The following MAPK10 variants were observed in gnomAD, a reference collection of about 807,000 sequenced individuals.
MAPK10 encodes the protein mitogen-activated protein kinase 10, also known as JNK3 alpha protein kinase.
A neutral mutation model predicts 59.3 loss-of-function variants in MAPK10; 25 were observed. The ratio of observed to expected loss-of-function variants is 0.42; its 90% CI spans 0.31 to 0.59. MAPK10 has a LOEUF of 0.59. Ranked by LOEUF, MAPK10 falls within the 20% of genes least tolerant of loss-of-function variation. The probability of loss-of-function intolerance (pLI) is 0.15; values close to 1 mark genes in which losing one functional copy is unlikely to be tolerated. For missense variants in MAPK10, 351 were observed against 568.9 expected, an observed-to-expected ratio of 0.62 and a Z score of 3.90; for synonymous variants, 190 against 200.5, an observed-to-expected ratio of 0.95 and a Z score of 0.44.
chr4:86,435,648 C>CA (rs1422731441), intron 1 of MAPK10, among the ~76,000 whole-genome samples: 20 of 152,160 alleles, frequency 1.3e-4, no homozygotes, highest in African/African-American at 4.8e-4. Context: ...AATGCAGCCC[C>CA]ATTAGCTCCT....
rs112868673 is a variant in MAPK10 at position 86,288,165 on chromosome 4, G to GT, written c.-7+66364dup. ...GACTAGATGATCACTAATGTTTTTT[G>GT]TTTTTTTTTAATTTTATTATTATTA... On this transcript the variant is annotated intron_variant, in intron 2 of 13. Coordinates refer to ENST00000641462, the MANE Select transcript of MAPK10 (RefSeq NM_138982.4). Among the ~76,000 whole-genome samples the GT allele has an allele frequency of 3.3e-3, 504 of 150,816 alleles. 1 individual carries two copies. Among genetic ancestry groups the GT allele is most frequent in the South Asian group, 7.4e-3 (35 of 4,734 alleles).
intron 9 of MAPK10, among the ~76,000 whole-genome samples, chr4:86,092,829 A>G (rs1194650954): frequency 2.0e-5 from 3 of 152,062 alleles, no homozygotes; most frequent in Non-Finnish European, 4.4e-5. Flanking sequence ...CTGCCAAGGT[A>G]GAATTCTGTT....
chr4:86,215,453 CAA>C (rs2087213209), intron 2 of MAPK10, among the ~76,000 whole-genome samples: 1 of 152,030 alleles, frequency 6.6e-6, no homozygotes, highest in South Asian at 2.1e-4. Context: ...AGGATACTGT[CAA>C]TAGAGTGAAA....
intron 3 of MAPK10, among the ~76,000 whole-genome samples, chr4:86,174,122 T>G (rs1358139441): frequency 1.3e-5 from 2 of 152,156 alleles, no homozygotes; most frequent in African/African-American, 4.8e-5. Context: ...CATTACTGGG[T>G]ATATACCCAA....
chr4:86,362,685 T>G (rs73838707), upstream of MAPK10, among the ~76,000 whole-genome samples: 27,050 of 151,984 alleles, frequency 0.18, 2,513 homozygotes, highest in East Asian at 0.26. Flanking sequence ...AATAAGCATA[T>G]GAAAAAGTAT....
chr4:86,370,372 T>C lies in MAPK10; in HGVS notation c.-121-15728A>G, dbSNP rs995632236. Among the ~76,000 whole-genome samples the C allele has an allele frequency of 3.9e-5, 6 of 152,058 alleles. No individual in the cohort carries two copies. The East Asian group carries it at 1.2e-3, about 29-fold the overall frequency. On this transcript the variant is annotated intron_variant, in intron 1 of 13. Transcript: ENST00000361569. ...GACATAGTCTTTCACAAGAAATAGA[T>C]AACAAATTTAAAAAAAAAATAATTG... is the stretch of plus-strand genomic sequence containing the variant.
intron 1 of MAPK10, among the ~76,000 whole-genome samples, chr4:86,463,666 T>C (rs1751946679): frequency 6.6e-6 from 1 of 152,172 alleles, no homozygotes; most frequent in Non-Finnish European, 1.5e-5. Flanking sequence ...TAGGGATCAA[T>C]TGGAAACATT....
intron 1 of MAPK10, among the ~76,000 whole-genome samples, chr4:86,574,718 G>A (rs925753175): frequency 2.6e-5 from 4 of 152,074 alleles, no homozygotes; most frequent in Admixed American, 6.6e-5. Flanking sequence ...TATGTTCTGT[G>A]ACCTGGCTAA....
chr4:86,166,079 G>C (rs1009986318), intron 3 of MAPK10, among the ~76,000 whole-genome samples: 6 of 152,174 alleles, frequency 3.9e-5, no homozygotes, highest in African/African-American at 1.4e-4. Context: ...TACATACGAA[G>C]GTGGGGAACT....
At chr4:86,127,052 T>C (rs970669486) in intron 4 of MAPK10, among the ~76,000 whole-genome samples, 2 of 152,034 alleles carry the variant, frequency 1.3e-5, no homozygotes, top group Non-Finnish European at 2.9e-5. Flanking sequence ...TAAAATCTCA[T>C]CTAAATTAGA....
chr4:86,387,197 G>A (rs1047920464), intron 1 of MAPK10, among the ~76,000 whole-genome samples: 4 of 152,260 alleles, frequency 2.6e-5, no homozygotes, highest in East Asian at 1.9e-4. Context: ...GTCACGTTAC[G>A]GCTGGTTGTT....
intron 2 of MAPK10, among the ~76,000 whole-genome samples, chr4:86,233,526 T>C (rs977690782): frequency 6.6e-6 from 1 of 152,154 alleles, no homozygotes; most frequent in African/African-American, 2.4e-5. Context: ...GCTAACCCAG[T>C]GGTGCCAAGC....
chr4:86,500,800 T>C (rs2149079098), intron 1 of MAPK10, among the ~76,000 whole-genome samples: 2 of 152,308 alleles, frequency 1.3e-5, no homozygotes, highest in Middle Eastern at 3.4e-3. Flanking sequence ...CAGCTACTTT[T>C]ATTAGCTATG....
At chr4:86,168,514 C>G (rs1037723674) in intron 3 of MAPK10, among the ~76,000 whole-genome samples, 1 of 152,214 alleles carries the variant, frequency 6.6e-6, no homozygotes, top group Non-Finnish European at 1.5e-5. Context: ...GGGGGAGAGG[C>G]GCCCGCCATT....
chr4:86,398,517 C>CCT (rs553912312), intron 1 of MAPK10, among the ~76,000 whole-genome samples: 12 of 152,292 alleles, frequency 7.9e-5, no homozygotes, highest in South Asian at 6.2e-4. Flanking sequence ...CACTGCCCTG[C>CCT]CTCTCTTAAG....
intron 4 of MAPK10, among the ~76,000 whole-genome samples, chr4:86,145,608 G>A (rs2064787713): frequency 6.6e-6 from 1 of 151,956 alleles, no homozygotes. Flanking sequence ...TTCTCTCTGG[G>A]AATCTCTCAG....
rs9761874 is a variant in MAPK10 at position 86,170,084 on chromosome 4, C to T, written c.67-10617G>A. 8.2e-3 allele frequency among the ~76,000 whole-genome samples: 1,248 copies of T among 151,900 alleles called. 15 individuals are homozygous for T. Among genetic ancestry groups the T allele is most frequent in the African/African-American group, 0.028 (1,151 of 41,422 alleles). The stretch of plus-strand genomic sequence containing the variant: ...AGCGCTAAACATGGAAAGGAACAAC[C>T]GGTACCAGCCGCTGCAAAATCATGC... On this transcript the variant is annotated intron_variant, in intron 3 of 13. Coordinates refer to ENST00000641462, the MANE Select transcript of MAPK10 (RefSeq NM_138982.4).
chr4:86,125,930 G>A (rs1384318288), intron 4 of MAPK10: 1 of 152,078 alleles, frequency 6.6e-6, no homozygotes, highest in African/African-American at 2.4e-5. Context: ...TCACAGGTTG[G>A]TGCTTTCTTG....
At chr4:86,242,149 C>T (rs1309947692) in intron 2 of MAPK10, among the ~76,000 whole-genome samples, 2 of 151,940 alleles carry the variant, frequency 1.3e-5, no homozygotes, top group African/African-American at 4.8e-5. Context: ...TCACTTCAGG[C>T]CCTATTCATC....
Sources: gnomAD v4.1 joint callset for allele counts (sites outside exome capture counted in the v4.1 genomes callset) on GRCh38, gnomAD v4.1.1 for gene constraint, MANE v1.5 for transcripts, NCBI Gene and HGNC (gene_info 2026-07-23, HGNC 2026-07-21) for gene names.